The following STPG2 variants were observed in gnomAD, a reference collection of about 807,000 sequenced individuals.
STPG2 encodes the protein sperm-tail PG-rich repeat-containing protein 2.
In STPG2, 56 loss-of-function variants were observed where a neutral mutation model predicts 54.2. That is an observed-to-expected ratio of 1.03 (90% CI 0.83 to 1.29). The LOEUF (loss-of-function observed/expected upper bound fraction) is 1.29, where lower values mean the gene tolerates loss of function less well. Ranked by LOEUF, STPG2 falls within the 50% of genes most tolerant of loss-of-function variation. STPG2 has a pLI of 0.00. For synonymous variants in STPG2, 200 were observed against 181.8 expected (o/e 1.10, Z -0.81); for missense variants, 596 against 544.9 (o/e 1.09, Z -0.93).
At position 97,534,661 on chromosome 4, in the gene STPG2, C is replaced by G. The variant is rs1046185686; in HGVS notation, c.462+178038G>C. On this transcript the variant is annotated intron_variant, in intron 4 of 4. Coordinates refer to the STPG2 transcript ENST00000522676. Reference sequence around the variant, plus strand: ...TAAGTTACATACATTAAACTTTACCCTTTATACATAATTCTATGAATTTTG... The same window carrying G: ...TAAGTTACATACATTAAACTTTACCGTTTATACATAATTCTATGAATTTTG... Among the ~76,000 whole-genome samples the G allele has an allele frequency of 2.0e-5, 3 of 152,036 alleles. No homozygotes were observed. In the South Asian group the frequency reaches 6.2e-4, roughly 32 times the overall value.
At chr4:98,039,603 A>G (rs1277540247) in intron 5 of STPG2, among the ~76,000 whole-genome samples, 5 of 151,450 alleles carry the variant, frequency 3.3e-5, no homozygotes, top group Non-Finnish European at 5.9e-5. Flanking sequence ...CAGTTACACT[A>G]AAAGCCCAAT....
rs748688275 is a variant in STPG2, at chr4:97,534,936, T to C, written c.462+177763A>G. Among the ~76,000 whole-genome samples the C allele has an allele frequency of 2.6e-5, 4 of 152,208 alleles. No homozygotes were observed. In the East Asian group the frequency reaches 5.8e-4, roughly 22 times the overall value. On this transcript the variant is annotated intron_variant, in intron 4 of 4. Coordinates refer to the STPG2 transcript ENST00000522676. The stretch of plus-strand genomic sequence containing the variant: ...GTTCATTGGAAATCCATCCATGATG[T>C]TGCATGTTTCAAACATTGATCCATT...
intron 9 of STPG2, among the ~76,000 whole-genome samples, chr4:97,723,109 G>C (rs1724508431): frequency 2.6e-5 from 4 of 151,952 alleles, no homozygotes; most frequent in Admixed American, 2.6e-4. Context: ...ACCGCGCCCG[G>C]CCGAGTCCCT....
intron 6 of STPG2, among the ~76,000 whole-genome samples, chr4:97,979,034 T>G (rs1734583450): frequency 6.6e-6 from 1 of 152,210 alleles, no homozygotes; most frequent in Non-Finnish European, 1.5e-5. Context: ...ACAAAACATG[T>G]AACAGCCTCA....
intron 9 of STPG2, among the ~76,000 whole-genome samples, chr4:97,808,653 T>C (rs1194521058): frequency 6.8e-6 from 1 of 147,580 alleles, no homozygotes; most frequent in Non-Finnish European, 1.5e-5. Flanking sequence ...AAAGTTCTAA[T>C]TAAAAGATAA....
chr4:97,833,299 C>T (rs540927269), intron 9 of STPG2, among the ~76,000 whole-genome samples: 2 of 152,208 alleles, frequency 1.3e-5, no homozygotes, highest in African/African-American at 4.8e-5. Flanking sequence ...AACTGGCTAG[C>T]CATATGGAGA....
In STPG2 at chr4:97,867,666, C is replaced by T. The variant is rs535219540; in HGVS notation, c.1045-26734G>A. Among the ~76,000 whole-genome samples, 6 of 152,114 alleles carry T rather than the reference C, an allele frequency of 3.9e-5. No individual in the cohort carries two copies. The South Asian group carries it at 6.2e-4, about 16-fold the overall frequency. On this transcript the variant is annotated intron_variant, in intron 8 of 10. Coordinates refer to ENST00000295268, the MANE Select transcript of STPG2 (RefSeq NM_174952.3). ...TTATTTTTATCACACAACATGACAA[C>T]GGAAAGTTGGCAGTCCAGGACTGAT...
At chr4:97,484,300 T>C (rs907925635) in intron 4 of STPG2, among the ~76,000 whole-genome samples, 1 of 151,132 alleles carries the variant, frequency 6.6e-6, no homozygotes, top group Non-Finnish European at 1.5e-5. Context: ...AAAAGATAAA[T>C]AAAATTGAAA....
chr4:98,128,595 G>A lies in STPG2; in HGVS notation c.223-3C>T, dbSNP rs1231071066. 4.4e-6 allele frequency: 7 copies of A among 1,575,264 alleles called. No homozygotes were observed. The highest frequency in any genetic ancestry group is 2.3e-5 in the East Asian group (1 of 43,974). On this transcript the variant is annotated splice_polypyrimidine_tract_variant and splice_region_variant and intron_variant, in intron 2 of 10. Coordinates refer to ENST00000295268, the MANE Select transcript of STPG2 (RefSeq NM_174952.3). ...AGTGTAGGTGATCTTGAAATTTTCT[G>A]CAAGGAAAACATTTTATATTATTTA...
chr4:98,142,068 C>A (rs932018749), intron 1 of STPG2, among the ~76,000 whole-genome samples: 1 of 151,836 alleles, frequency 6.6e-6, no homozygotes, highest in Non-Finnish European at 1.5e-5. Context: ...TCATTGTTAG[C>A]CATTGTTAGG....
At chr4:97,628,150 T>G (rs115727694) in intron 10 of STPG2, among the ~76,000 whole-genome samples, 6,117 of 152,244 alleles carry the variant, frequency 0.04, 173 homozygotes, top group Middle Eastern at 0.078. Context: ...ATTATAATTT[T>G]GCATTCTATT....
At chr4:97,452,314 G>A (rs968799596) in intron 4 of STPG2, among the ~76,000 whole-genome samples, 1 of 152,012 alleles carries the variant, frequency 6.6e-6, no homozygotes, top group Non-Finnish European at 1.5e-5. Context: ...AAGTCAGGTG[G>A]AGCCTGGGCA....
At chr4:97,971,272 T>C (rs569497745) in intron 7 of STPG2, among the ~76,000 whole-genome samples, 1 of 152,264 alleles carries the variant, frequency 6.6e-6, no homozygotes, top group Admixed American at 6.5e-5. Context: ...GAACTAGAAA[T>C]ACCATTTGAC....
rs140433509 is a variant in STPG2, at chr4:97,951,700, G to C, written c.934-7693C>G. On this transcript the variant is annotated intron_variant, in intron 7 of 10. Transcript: ENST00000295268. The stretch of plus-strand genomic sequence containing the variant: ...AAGTTCACTATATCCTACGGAGTTG[G>C]AATAGCAGAGGTCTCTTGAAGCCTA... Among the ~76,000 whole-genome samples the C allele has an allele frequency of 1.3e-3, 204 of 152,132 alleles. 4 individuals are homozygous for C. In the East Asian group the frequency reaches 0.034, roughly 25 times the overall value.
chr4:97,898,530 A>G (rs1352285164), intron 8 of STPG2, among the ~76,000 whole-genome samples: 2 of 151,688 alleles, frequency 1.3e-5, no homozygotes, highest in African/African-American at 2.4e-5. Context: ...TGTTATTTCA[A>G]TGCTTAAAAC....
intron 9 of STPG2, among the ~76,000 whole-genome samples, chr4:97,732,273 A>G (rs778420851): frequency 5.3e-5 from 8 of 152,026 alleles, no homozygotes; most frequent in Non-Finnish European, 1.0e-4. Flanking sequence ...TCAAATTTCT[A>G]TGGGTTTTTT....
chr4:97,964,537 AG>A (rs1734017033), intron 7 of STPG2, among the ~76,000 whole-genome samples: 1 of 152,218 alleles, frequency 6.6e-6, no homozygotes, highest in South Asian at 2.1e-4. Context: ...GAAAACCCTC[AG>A]AAAAATAAGT....
intron 9 of STPG2, among the ~76,000 whole-genome samples, chr4:97,718,255 CTT>C (rs1724351128): frequency 6.6e-6 from 1 of 151,968 alleles, no homozygotes; most frequent in Admixed American, 6.6e-5. Flanking sequence ...AATTAAAACA[CTT>C]GATTTAAATA....
At chr4:97,463,024 A>C (rs1324094443) in intron 4 of STPG2, among the ~76,000 whole-genome samples, 1 of 152,114 alleles carries the variant, frequency 6.6e-6, no homozygotes, top group African/African-American at 2.4e-5. Context: ...ATGAGCATAA[A>C]TTTTATCCTT....
Sources: allele counts gnomAD v4.1 joint callset (sites outside exome capture counted in the v4.1 genomes callset), GRCh38; gene constraint gnomAD v4.1.1; transcripts MANE v1.5; gene names NCBI Gene and HGNC (gene_info 2026-07-23, HGNC 2026-07-21).